The following NTNG1 variants were observed in gnomAD, a reference collection of about 807,000 sequenced individuals.
The protein encoded by NTNG1 is netrin-G1.
In NTNG1, 16 loss-of-function variants were observed where a neutral mutation model predicts 54.0. The ratio of observed to expected loss-of-function variants is 0.30; its 90% confidence interval spans 0.20 to 0.45. The LOEUF is 0.45. NTNG1 is among the 20% of genes least tolerant of loss of function. The pLI is 1.00. For missense variants in NTNG1, 530 were observed against 678.7 expected (o/e 0.78, Z 2.43); for synonymous variants, 255 against 263.1 (o/e 0.97, Z 0.30).
intron 7 of NTNG1, among the ~76,000 whole-genome samples, chr1:107,455,135 C>T (rs1279671463): frequency 6.6e-6 from 1 of 151,772 alleles, no homozygotes; most frequent in Non-Finnish European, 1.5e-5. Flanking sequence ...GCGATCTCAG[C>T]TCATTACAAC....
chr1:107,207,081 G>C (rs148077965), intron 2 of NTNG1, among the ~76,000 whole-genome samples: 1 of 152,022 alleles, frequency 6.6e-6, no homozygotes, highest in Non-Finnish European at 1.5e-5. Flanking sequence ...AGTGTGTTTC[G>C]GAGATGAAAA....
chr1:107,395,927 A>G (rs146701866), intron 4 of NTNG1, among the ~76,000 whole-genome samples: 2 of 149,980 alleles, frequency 1.3e-5, no homozygotes, highest in East Asian at 3.9e-4. Context: ...GACCACATTA[A>G]GAAAAAAGAT....
At chr1:107,392,457 A>C (rs972692379) in intron 3 of NTNG1, among the ~76,000 whole-genome samples, 1 of 152,104 alleles carries the variant, frequency 6.6e-6, no homozygotes, top group Non-Finnish European at 1.5e-5. Context: ...CCCAGAGAAC[A>C]GCATGTGTAG....
At chr1:107,455,391 G>A (rs951700740) in intron 7 of NTNG1, among the ~76,000 whole-genome samples, 1 of 152,216 alleles carries the variant, frequency 6.6e-6, no homozygotes, top group South Asian at 2.1e-4. Flanking sequence ...GCAATAAAAA[G>A]TCATTATGCA....
At chr1:107,140,656 A>G (rs964782497), upstream of NTNG1, among the ~76,000 whole-genome samples, 7 of 151,604 alleles carry the variant, frequency 4.6e-5, no homozygotes, top group Admixed American at 3.9e-4. Context: ...ACTAAGCTCA[A>G]CGTCTTCATC....
intron 7 of NTNG1, among the ~76,000 whole-genome samples, chr1:107,472,452 C>G (rs1394438604): frequency 6.6e-6 from 1 of 152,232 alleles, no homozygotes; most frequent in Non-Finnish European, 1.5e-5. Flanking sequence ...AGAATACAAG[C>G]CCCTCATGTG....
rs557592733 is a variant in NTNG1, at chr1:107,264,074, C to G, written c.247-60208C>G. 2.6e-5 allele frequency among the ~76,000 whole-genome samples: 4 copies of G among 151,970 alleles called. No homozygotes were observed. The East Asian group carries it at 5.8e-4, about 22-fold the overall frequency. ...TGACAGGAGATTAATCTATAGTCCT[C>G]TCTCTCTCTTGTTATTTGATTAAAC... On this transcript the variant is annotated intron_variant, in intron 2 of 7. Transcript: ENST00000370068.
Position 107,436,759 on chromosome 1 carries a change from T to G in NTNG1, c.1350T>G (p.Asp450Glu), listed in dbSNP as rs1675622027. ...CTGGAACAACAGGGCCTAAGTGTGATGAGTGTCTGCCGGGAAATTCCTGGC... is the reference window on the plus strand; with the variant it reads ...CTGGAACAACAGGGCCTAAGTGTGAGGAGTGTCTGCCGGGAAATTCCTGGC... Reference protein sequence around the residue: ...CKTGTTGPKCDECLPGNSWHY... With the variant: ...CKTGTTGPKCEECLPGNSWHY... Residue 450 changes from aspartate to glutamate, a missense_variant, in exon 7 of 8, where the codon GAT becomes GAG. By Grantham distance (45) the Asp-to-Glu change is conservative. This residue lies in a region of NTNG1 where 212 missense variants were observed against 213.6 expected (regional missense o/e 0.99). Coordinates refer to ENST00000370068, the MANE Select transcript of NTNG1 (RefSeq NM_001113226.3). 1.9e-6 allele frequency: 3 copies of G among 1,613,520 alleles called. No homozygotes were observed. Among genetic ancestry groups the G allele is most frequent in the African/African-American group, 2.7e-5 (2 of 75,034 alleles).
intron 3 of NTNG1, among the ~76,000 whole-genome samples, chr1:107,371,024 G>A (rs1410033312): frequency 6.6e-6 from 1 of 152,022 alleles, no homozygotes; most frequent in African/African-American, 2.4e-5. Context: ...CAGAAGTGGT[G>A]AGAATGAGCA....
At chr1:107,414,105 A>G (rs1254962006) in intron 5 of NTNG1, among the ~76,000 whole-genome samples, 1 of 152,154 alleles carries the variant, frequency 6.6e-6, no homozygotes, top group Non-Finnish European at 1.5e-5. Context: ...AACTGTCTTT[A>G]GTTTTCTGTT....
At chr1:107,182,349 T>C (rs1380907256) in intron 2 of NTNG1, among the ~76,000 whole-genome samples, 1 of 152,116 alleles carries the variant, frequency 6.6e-6, no homozygotes, top group Non-Finnish European at 1.5e-5. Flanking sequence ...TAATAAATTC[T>C]TCCCCCCTTG....
chr1:107,401,454 G>T (rs546073705), intron 4 of NTNG1, among the ~76,000 whole-genome samples: 23 of 152,172 alleles, frequency 1.5e-4, no homozygotes, highest in Non-Finnish European at 2.4e-4. Context: ...TTTTACAAAG[G>T]TAATACAGTG....
chr1:107,383,714 A>T (rs1392285317), intron 3 of NTNG1, among the ~76,000 whole-genome samples: 1 of 152,180 alleles, frequency 6.6e-6, no homozygotes, highest in Non-Finnish European at 1.5e-5. Context: ...CAGGACTTGA[A>T]CTCAGCCCCT....
At chr1:107,318,435 T>C (rs1000968655) in intron 2 of NTNG1, among the ~76,000 whole-genome samples, 7 of 136,604 alleles carry the variant, frequency 5.1e-5, no homozygotes, top group Non-Finnish European at 9.5e-5. Context: ...GTAAAGTGTT[T>C]CCTTTGAAAA....
intron 2 of NTNG1, among the ~76,000 whole-genome samples, chr1:107,283,387 T>A (rs1247248174): frequency 7.9e-5 from 12 of 152,126 alleles, no homozygotes; most frequent in Admixed American, 7.9e-4. Context: ...CAGAGCCAGC[T>A]CCAGTCCTGC....
Position 107,352,723 on chromosome 1 carries a change from G to A in NTNG1, c.887+27801G>A, listed in dbSNP as rs138370439. ...TTAAGGTGTGGATCAGCTTAAAGGC[G>A]GGCAGCTCACGAGGTCAGGAGTTCT... On this transcript the variant is annotated intron_variant, in intron 3 of 7. Transcript: ENST00000370068. Among the ~76,000 whole-genome samples the A allele has an allele frequency of 4.7e-3, 712 of 152,136 alleles. 5 individuals are homozygous for A. The highest frequency in any genetic ancestry group is 0.016 in the African/African-American group (682 of 41,512).
chr1:107,451,675 G>A (rs1031047964), intron 7 of NTNG1, among the ~76,000 whole-genome samples: 6 of 152,148 alleles, frequency 3.9e-5, no homozygotes, highest in Non-Finnish European at 8.8e-5. Flanking sequence ...GAGAAACAGT[G>A]TAAGAATACC....
At chr1:107,388,217 T>C (rs192010819) in intron 3 of NTNG1, among the ~76,000 whole-genome samples, 3 of 152,318 alleles carry the variant, frequency 2.0e-5, no homozygotes, top group African/African-American at 7.2e-5. Context: ...ATAGTAACTA[T>C]AGAAATAATA....
chr1:107,339,277 C>A lies in NTNG1; in HGVS notation c.887+14355C>A, dbSNP rs567259872. On this transcript the variant is annotated intron_variant, in intron 3 of 7. Transcript: ENST00000370068. The stretch of plus-strand genomic sequence containing the variant: ...AGTCAACAGGTTACAATCTATCAGA[C>A]AGGGCTTCTTCTGTGTTCCAGGGTG... Among the ~76,000 whole-genome samples, 107 of 152,182 alleles carry A rather than the reference C, an allele frequency of 7.0e-4. No homozygotes were observed. The South Asian group carries it at 0.011, about 16-fold the overall frequency.
Sources: gnomAD v4.1 joint callset for allele counts (sites outside exome capture counted in the v4.1 genomes callset) on GRCh38, gnomAD v4.1.1 for gene constraint, gnomAD v4.1.1 regional missense constraint, MANE v1.5 for transcripts, NCBI Gene and HGNC (gene_info 2026-07-23, HGNC 2026-07-21) for gene names.